The following CADM2 variants were observed in gnomAD, a reference collection of about 807,000 sequenced individuals.
CADM2 encodes cell adhesion molecule 2.
A neutral mutation model predicts 49.8 loss-of-function variants in CADM2; 12 were observed. The ratio of observed to expected loss-of-function variants is 0.24; its 90% CI spans 0.15 to 0.39. CADM2 has a LOEUF of 0.39. CADM2 is among the 10% of genes least tolerant of loss of function. The pLI, the probability that CADM2 is intolerant of heterozygous loss-of-function variation, is 1.00. For missense variants in CADM2, 378 were observed against 492.3 expected (o/e 0.77, Z 2.20); for synonymous variants, 214 against 175.4 (o/e 1.22, Z -1.74).
At chr3:85,788,247 C>G (rs1423116911) in intron 2 of CADM2, among the ~76,000 whole-genome samples, 1 of 151,912 alleles carries the variant, frequency 6.6e-6, no homozygotes. Context: ...AATGTAAAAG[C>G]AATTTCAGGA....
chr3:85,460,807 G>A (rs1415319313), intron 1 of CADM2, among the ~76,000 whole-genome samples: 1 of 151,810 alleles, frequency 6.6e-6, no homozygotes, highest in Non-Finnish European at 1.5e-5. Context: ...AGGTAGGTGA[G>A]GAAAGTGTCT....
chr3:85,178,355 T>C (rs566791101), intron 1 of CADM2, among the ~76,000 whole-genome samples: 84 of 152,044 alleles, frequency 5.5e-4, no homozygotes, highest in African/African-American at 2.0e-3. Context: ...CATTGATATA[T>C]AAAAATATTA....
chr3:85,824,675 C>G (rs577355880), intron 3 of CADM2, among the ~76,000 whole-genome samples: 50 of 152,006 alleles, frequency 3.3e-4, no homozygotes, highest in African/African-American at 1.2e-3. Context: ...TAAAATTGCC[C>G]CCAAGCATGA....
intron 8 of CADM2, among the ~76,000 whole-genome samples, chr3:86,038,973 G>A (rs1735501904): frequency 6.6e-6 from 1 of 152,110 alleles, no homozygotes; most frequent in African/African-American, 2.4e-5. Context: ...GAATCTGGAA[G>A]GTAGAACAGC....
chr3:85,236,667 A>G (rs1169286230), intron 1 of CADM2, among the ~76,000 whole-genome samples: 1 of 152,142 alleles, frequency 6.6e-6, no homozygotes, highest in Non-Finnish European at 1.5e-5. Context: ...AAATATTTGT[A>G]TACATAACAA....
chr3:85,657,137 T>C (rs561202179), intron 1 of CADM2, among the ~76,000 whole-genome samples: 8 of 152,322 alleles, frequency 5.3e-5, no homozygotes, highest in African/African-American at 1.9e-4. Context: ...GCTATATTTC[T>C]CTCTCCTTCT....
chr3:85,189,386 T>C (rs2041148029), intron 1 of CADM2, among the ~76,000 whole-genome samples: 1 of 152,202 alleles, frequency 6.6e-6, no homozygotes, highest in Non-Finnish European at 1.5e-5. Context: ...TCATACCCAA[T>C]AATCCAAAGC....
chr3:85,634,446 A>G (rs560006275), intron 1 of CADM2, among the ~76,000 whole-genome samples: 6 of 152,160 alleles, frequency 3.9e-5, no homozygotes, highest in Non-Finnish European at 5.9e-5. Context: ...TAAAAGAAGT[A>G]TATATAATTG....
intron 1 of CADM2, among the ~76,000 whole-genome samples, chr3:85,443,463 C>T (rs145041178): frequency 6.6e-6 from 1 of 152,128 alleles, no homozygotes; most frequent in Non-Finnish European, 1.5e-5. Flanking sequence ...CTACTCAAAA[C>T]AGGTATTTTC....
intron 2 of CADM2, among the ~76,000 whole-genome samples, chr3:85,754,785 A>ATT (rs142612147): frequency 2.6e-5 from 4 of 152,120 alleles, no homozygotes; most frequent in Non-Finnish European, 5.9e-5. Flanking sequence ...GACTGTCTCA[A>ATT]TTTTTTTAAA....
intron 1 of CADM2, among the ~76,000 whole-genome samples, chr3:85,208,546 T>C (rs2041705697): frequency 6.6e-6 from 1 of 152,064 alleles, no homozygotes; most frequent in Admixed American, 6.6e-5. Context: ...ACATAAATAA[T>C]TAATTTGTGA....
At chr3:85,489,743 C>CGT (rs35790794) in intron 1 of CADM2, among the ~76,000 whole-genome samples, 3 of 144,808 alleles carry the variant, frequency 2.1e-5, no homozygotes, top group Non-Finnish European at 3.0e-5. Flanking sequence ...AATTATTTAA[C>CGT]GTGTGTGTGT....
At chr3:85,962,105 G>C (rs1006590775) in intron 8 of CADM2, among the ~76,000 whole-genome samples, 2 of 151,656 alleles carry the variant, frequency 1.3e-5, no homozygotes, top group Non-Finnish European at 2.9e-5. Flanking sequence ...TTTTAGTAGA[G>C]ATGGGCTTTC....
At chr3:85,205,110 T>C (rs2041600242) in intron 1 of CADM2, among the ~76,000 whole-genome samples, 2 of 151,610 alleles carry the variant, frequency 1.3e-5, no homozygotes, top group Admixed American at 1.3e-4. Context: ...CTCCACCTCA[T>C]GGGCTCAAGC....
At chr3:85,576,182 T>C (rs918216120) in intron 1 of CADM2, among the ~76,000 whole-genome samples, 2 of 152,196 alleles carry the variant, frequency 1.3e-5, no homozygotes, top group African/African-American at 4.8e-5. Context: ...AAACATTAAA[T>C]TTATGTCTTC....
At chr3:85,309,080 T>C (rs2044282234) in intron 1 of CADM2, among the ~76,000 whole-genome samples, 1 of 152,040 alleles carries the variant, frequency 6.6e-6, no homozygotes, top group Non-Finnish European at 1.5e-5. Context: ...ACACTTCCTT[T>C]GTCAATATAT....
intron 1 of CADM2, among the ~76,000 whole-genome samples, chr3:85,398,612 A>C (rs916794343): frequency 9.8e-5 from 15 of 152,356 alleles, no homozygotes; most frequent in South Asian, 6.2e-4. Flanking sequence ...ACTAGTGTAC[A>C]GTCCCACCAA....
At chr3:85,694,981 G>T (rs1241904135) in intron 1 of CADM2, among the ~76,000 whole-genome samples, 1 of 151,818 alleles carries the variant, frequency 6.6e-6, no homozygotes, top group Non-Finnish European at 1.5e-5. Flanking sequence ...TAACTAATTG[G>T]CTCTAAAAGG....
chr3:85,059,744 A>T (rs1307098078), intron 1 of CADM2, among the ~76,000 whole-genome samples: 1 of 152,142 alleles, frequency 6.6e-6, no homozygotes, highest in Non-Finnish European at 1.5e-5. Flanking sequence ...ACCATGTGAG[A>T]CATGTTTTTC....
Sources: gnomAD v4.1 joint callset for allele counts (sites outside exome capture counted in the v4.1 genomes callset) on GRCh38, gnomAD v4.1.1 for gene constraint, MANE v1.5 for transcripts, NCBI Gene and HGNC (gene_info 2026-07-23, HGNC 2026-07-21) for gene names.